TEX15: variants seen among roughly 807,000 people sequenced by gnomAD.
The protein encoded by TEX15 is testis expressed 15, meiosis and synapsis associated, also known as testis-expressed protein 15.
TEX15 carries 171 observed loss-of-function variants against 237.3 expected under a neutral mutation model. The observed-to-expected ratio is 0.72, with a 90% confidence interval of 0.64 to 0.82. The LOEUF is 0.82. Ranked by LOEUF, TEX15 falls within the 40% of genes least tolerant of loss-of-function variation. The pLI, the probability that TEX15 is intolerant of heterozygous loss-of-function variation, is 0.00. For synonymous variants in TEX15, 1,338 were observed against 1,269.8 expected (o/e 1.05, Z -1.14); for missense variants, 3,750 against 3,646.5 (o/e 1.03, Z -0.73).
Position 30,849,356 on chromosome 8 carries a change from T to C in TEX15, c.851-40A>G, listed in dbSNP as rs1229618351. 23 of 1,277,428 alleles carry C rather than the reference T, an allele frequency of 1.8e-5. No individual in the cohort carries two copies. In the East Asian group the frequency reaches 5.1e-4, roughly 28 times the overall value. The allele number at this position is 1,277,428 out of a possible 1,614,324, so 79.1% of individuals were successfully genotyped here. A position where few individuals can be genotyped will look rare whatever the true frequency, so the allele number is the denominator to read the frequency against. On this transcript the variant is annotated intron_variant, in intron 7 of 10. Coordinates refer to ENST00000643185, the MANE Select transcript of TEX15 (RefSeq NM_001350162.2). ...AGGAAGACAAATTTGAAAAAAAGTG[T>C]TTCTATAGACAACTATTAATACAGG... is the stretch of plus-strand genomic sequence containing the variant.
chr8:30,889,934 C>CATATATATATATATACATAT (rs1808750357), intron 2 of TEX15, among the ~76,000 whole-genome samples: 2 of 123,326 alleles, frequency 1.6e-5, no homozygotes, highest in South Asian at 2.4e-4. Flanking sequence ...TAGTTATATA[C>CATATATATATATATACATAT]ATATATATAT....
intron 2 of TEX15, among the ~76,000 whole-genome samples, chr8:30,895,860 T>C (rs989760697): frequency 2.0e-5 from 3 of 151,846 alleles, no homozygotes; most frequent in Non-Finnish European, 4.4e-5. Flanking sequence ...TTTTGTATTT[T>C]AGTAGAGACG....
intron 2 of TEX15, among the ~76,000 whole-genome samples, chr8:30,895,276 C>T (rs976737653): frequency 1.7e-5 from 2 of 120,192 alleles, no homozygotes; most frequent in Admixed American, 1.1e-4. Context: ...CCAGCCTAGG[C>T]GACAAAGCGA....
At chr8:30,891,020 C>T (rs1808784310) in intron 2 of TEX15, among the ~76,000 whole-genome samples, 1 of 152,194 alleles carries the variant, frequency 6.6e-6, no homozygotes, top group African/African-American at 2.4e-5. Flanking sequence ...TTTGTTTCTA[C>T]ATGAGGAAGA....
At position 30,837,475 on chromosome 8, in the gene TEX15, G is replaced by A; in HGVS notation, c.8809C>T (p.Pro2937Ser). 1.2e-6 allele frequency: 2 copies of A among 1,613,936 alleles called. No individual in the cohort carries two copies. The highest frequency in any genetic ancestry group is 1.7e-6 in the Non-Finnish European group (2 of 1,179,892). ...TTGTTCTGGATACAGATGGGTTCTG[G>A]AGAAGTCATGCATGAGGAATTTTTA... ...SIKNSSCMTS[P>S]EPICIQNKIP... Residue 2937 changes from proline to serine, a missense_variant, in exon 10 of 11, where the codon CCA (proline) becomes TCA (serine). Coordinates refer to ENST00000643185, the MANE Select transcript of TEX15 (RefSeq NM_001350162.2).
intron 4 of TEX15, among the ~76,000 whole-genome samples, chr8:30,872,647 T>A (rs1190177348): frequency 6.6e-6 from 1 of 151,982 alleles, no homozygotes; most frequent in South Asian, 2.1e-4. Context: ...GTGGGACAGA[T>A]GTGGAGGTGG....
At position 30,847,930 on chromosome 8, in the gene TEX15, A is replaced by C. The variant is rs1316295264; in HGVS notation, c.2237T>G (p.Met746Arg). The part of the protein sequence containing the change: ...HTSLAIAQKL[M>R]ELKLGKINQN... ...ATTTATTTTCCCCAATTTCAGTTCC[A>C]TTAGCTTTTGAGCAATGGCTAAACT... Residue 746 changes from methionine to arginine, a missense_variant, in exon 8 of 11, where the codon ATG (methionine) becomes AGG (arginine). Coordinates refer to ENST00000643185, the MANE Select transcript of TEX15 (RefSeq NM_001350162.2). 1.2e-6 allele frequency: 2 copies of C among 1,613,986 alleles called. No individual in the cohort carries two copies. The highest frequency in any genetic ancestry group is 1.7e-6 in the Non-Finnish European group (2 of 1,179,952).
chr8:30,835,033 C>T (rs1807260624), intron 10 of TEX15, among the ~76,000 whole-genome samples: 1 of 152,124 alleles, frequency 6.6e-6, no homozygotes, highest in South Asian at 2.1e-4. Context: ...CTTTGCAAGG[C>T]AGGGGCAGGA....
chr8:30,888,435 T>C (rs991660129), intron 2 of TEX15, among the ~76,000 whole-genome samples: 2 of 152,108 alleles, frequency 1.3e-5, no homozygotes, highest in Non-Finnish European at 2.9e-5. Context: ...ACATCAAATA[T>C]TGCTATACCA....
Position 30,858,671 on chromosome 8 carries a change from C to T in TEX15, c.847G>A (p.Ala283Thr), listed in dbSNP as rs368790005. 2.6e-6 allele frequency: 4 copies of T among 1,531,076 alleles called. No homozygotes were observed. The South Asian group carries it at 3.6e-5, about 14-fold the overall frequency. The allele number at this position is 1,531,076 out of a possible 1,614,324, so 94.8% of individuals were successfully genotyped here. The change falls in exon 7 of 11, where the codon GCT becomes ACT. Residue 283 changes from alanine (A) to threonine (T), a missense_variant. Coordinates refer to ENST00000643185, the MANE Select transcript of TEX15 (RefSeq NM_001350162.2). The part of the protein sequence containing the change: ...RFLSTGFPKR[A>T]ERTCSLNNCT... ...TACAATCATATGTGTATCTTACCAG[C>T]TCTCTTAGGAAATCCTGTTGAGAGG...
chr8:30,853,892 G>A (rs1807842390), intron 7 of TEX15, among the ~76,000 whole-genome samples: 1 of 151,536 alleles, frequency 6.6e-6, no homozygotes, highest in African/African-American at 2.4e-5. Flanking sequence ...AAAAAACATG[G>A]TCTGAAAAAA....
Position 30,842,842 on chromosome 8 carries a change from ATAGCTTCAGGCTT to A in TEX15, c.7312_7324del (p.Lys2438LeufsTer21). On this transcript the variant is annotated frameshift_variant, in exon 8 of 11. Transcript: ENST00000643185. LOFTEE classifies it high-confidence loss of function. ...CATGACGATTTCAATATACATTTCA[ATAGCTTCAGGCTT>A]TAAAATGATAGCCTCATGGCTGTGG... is the stretch of plus-strand genomic sequence containing the variant. 1 of 1,612,800 alleles carries A rather than the reference ATAGCTTCAGGCTT, an allele frequency of 6.2e-7. No individual in the cohort carries two copies. The highest frequency in any genetic ancestry group is 1.7e-5 in the Admixed American group (1 of 59,886).
rs370220965 is a variant in TEX15 at position 30,843,444 on chromosome 8, G to A, written c.6723C>T (p.Ile2241=). The change falls in exon 8 of 11, where the codon ATC becomes ATT. Residue 2241 remains isoleucine, a synonymous_variant. Transcript: ENST00000643185. ...YPGKQDHLWI[I]IEMISSKVNF... Reference sequence around the variant, plus strand: ...TAACCTTTGAGGAGATCATTTCTATGATAATCCACAGATGGTCCTGTTTTC... The same window carrying A: ...TAACCTTTGAGGAGATCATTTCTATAATAATCCACAGATGGTCCTGTTTTC... 1.2e-6 allele frequency: 2 copies of A among 1,612,928 alleles called. No homozygotes were observed. Among genetic ancestry groups the A allele is most frequent in the South Asian group, 1.1e-5 (1 of 90,982 alleles).
intron 3 of TEX15, among the ~76,000 whole-genome samples, chr8:30,882,492 A>T (rs12544807): frequency 0.36 from 54,575 of 151,914 alleles, 15,047 homozygotes; most frequent in African/African-American, 0.77. Flanking sequence ...TTCACCGTGT[A>T]AGCCAGGATG....
At chr8:30,890,006 C>G (rs1808765518) in intron 2 of TEX15, among the ~76,000 whole-genome samples, 1 of 131,724 alleles carries the variant, frequency 7.6e-6, no homozygotes, top group African/African-American at 3.0e-5. Flanking sequence ...TCTGAGGATT[C>G]ATGCTGAGGC....
At chr8:30,877,289 G>A (rs1808420582) in intron 3 of TEX15, among the ~76,000 whole-genome samples, 1 of 152,166 alleles carries the variant, frequency 6.6e-6, no homozygotes, top group Non-Finnish European at 1.5e-5. Flanking sequence ...ACTGCTGACT[G>A]TTGATTGTGA....
At chr8:30,860,899 G>C (rs1051216687) in intron 5 of TEX15, among the ~76,000 whole-genome samples, 1 of 151,928 alleles carries the variant, frequency 6.6e-6, no homozygotes, top group African/African-American at 2.4e-5. Flanking sequence ...GTACTTGGAA[G>C]ACAAACACGA....
At chr8:30,901,365 A>G (rs1809002509) in intron 1 of TEX15, among the ~76,000 whole-genome samples, 1 of 152,126 alleles carries the variant, frequency 6.6e-6, no homozygotes, top group Non-Finnish European at 1.5e-5. Context: ...CCTTAAAACC[A>G]CTTGTTTAGC....
intron 7 of TEX15, among the ~76,000 whole-genome samples, chr8:30,854,259 C>CAAA (rs1159366706): frequency 1.5e-5 from 1 of 64,970 alleles, no homozygotes; most frequent in Non-Finnish European, 3.4e-5. Context: ...CCTGACTGAC[C>CAAA]AAAAAAAAAA....
Sources: gnomAD v4.1 joint callset for allele counts (sites outside exome capture counted in the v4.1 genomes callset) on GRCh38, gnomAD v4.1.1 for gene constraint, MANE v1.5 for transcripts, NCBI Gene and HGNC (gene_info 2026-07-23, HGNC 2026-07-21) for gene names.